The following HSD17B4 variants were observed in gnomAD, a reference collection of about 807,000 sequenced individuals.
HSD17B4 encodes peroxisomal multifunctional enzyme type 2.
Under a neutral mutation model 101.0 loss-of-function variants are expected in HSD17B4, and 70 were observed. The observed-to-expected ratio is 0.69, with a 90% confidence interval of 0.57 to 0.85. The LOEUF (loss-of-function observed/expected upper bound fraction) is 0.85. Ranked by LOEUF, HSD17B4 falls within the 40% of genes least tolerant of loss-of-function variation. The pLI, the probability that HSD17B4 is intolerant of heterozygous loss-of-function variation, is 0.00. For missense variants in HSD17B4, 984 were observed against 892.4 expected (o/e 1.10, Z -1.31); for synonymous variants, 347 against 297.1 (o/e 1.17, Z -1.73).
At chr5:119,530,947 TA>T (rs569539098) in intron 21 of HSD17B4, among the ~76,000 whole-genome samples, 101 of 148,724 alleles carry the variant, frequency 6.8e-4, no homozygotes, top group African/African-American at 2.4e-3. Flanking sequence ...ATTTTATAAA[TA>T]AAAAAAATGA....
intron 17 of HSD17B4, among the ~76,000 whole-genome samples, chr5:119,521,842 C>T (rs1753139042): frequency 6.7e-6 from 1 of 149,412 alleles, no homozygotes. Flanking sequence ...CAGTTTTCTT[C>T]TGTTTGGCAG....
At chr5:119,521,919 G>A (rs28667304) in intron 17 of HSD17B4, among the ~76,000 whole-genome samples, 2 of 142,094 alleles carry the variant, frequency 1.4e-5, no homozygotes, top group South Asian at 2.3e-4. Flanking sequence ...TTCAGTTTTG[G>A]TTTTTTTTTT....
At chr5:119,528,167 A>G (rs551103500) in intron 20 of HSD17B4, among the ~76,000 whole-genome samples, 1 of 152,240 alleles carries the variant, frequency 6.6e-6, no homozygotes, top group African/African-American at 2.4e-5. Flanking sequence ...GTTCCTAAGA[A>G]AATCTAATCT....
rs1380012929 is a variant in HSD17B4, at chr5:119,541,622, A to G, written c.2122-283A>G. Among the ~76,000 whole-genome samples, 3 of 152,344 alleles carry G rather than the reference A, an allele frequency of 2.0e-5. No individual in the cohort carries two copies. The East Asian group carries it at 5.8e-4, about 29-fold the overall frequency. On this transcript the variant is annotated intron_variant, in intron 23 of 23. Transcript: ENST00000510025. ...GTCTCAAATTGTAAGAACATAAAGT[A>G]AAGCCAGAAACGTAGGTTGAAACAG...
At position 119,499,343 on chromosome 5, in the gene HSD17B4, T is replaced by C. The variant is rs775677289; in HGVS notation, c.999T>C (p.Pro333=). 1 of 1,613,380 alleles carries C rather than the reference T, an allele frequency of 6.2e-7. No homozygotes were observed. The highest frequency in any genetic ancestry group is 1.7e-5 in the Admixed American group (1 of 60,024). Residue 333 remains proline (P), a synonymous_variant, in exon 13 of 24, where the codon CCT becomes CCC. Coordinates refer to ENST00000510025, the MANE Select transcript of HSD17B4 (RefSeq NM_000414.4). ...CTGGAGCTATTGGCCAGAAACTCCC[T>C]CCATTTTCTTATGCTTATACGGAAC... is the stretch of plus-strand genomic sequence containing the variant. ...GFAGAIGQKL[P]PFSYAYTELE...
At chr5:119,539,829 C>A (rs1183921030) in intron 23 of HSD17B4, among the ~76,000 whole-genome samples, 1 of 150,700 alleles carries the variant, frequency 6.6e-6, no homozygotes, top group East Asian at 1.9e-4. Context: ...ATGTCTCGTG[C>A]CTGTAGTTCC....
chr5:119,480,789 G>C (rs1471208372), intron 8 of HSD17B4, among the ~76,000 whole-genome samples: 1 of 152,198 alleles, frequency 6.6e-6, no homozygotes, highest in Non-Finnish European at 1.5e-5. Context: ...GTAAGAGACA[G>C]GTACGCCCCG....
At chr5:119,495,545 A>T (rs1200208476) in intron 11 of HSD17B4, among the ~76,000 whole-genome samples, 1 of 152,226 alleles carries the variant, frequency 6.6e-6, no homozygotes, top group Non-Finnish European at 1.5e-5. Context: ...TCAACTAAAT[A>T]GTCTTCCCTC....
intron 13 of HSD17B4, among the ~76,000 whole-genome samples, chr5:119,501,468 A>G (rs1580630214): frequency 6.6e-6 from 1 of 152,122 alleles, no homozygotes; most frequent in East Asian, 1.9e-4. Context: ...TTTGTTTGAT[A>G]CATTGAGGTT....
chr5:119,509,493 T>A, intron 16 of HSD17B4: 2 of 631,660 alleles, frequency 3.2e-6, no homozygotes. Context: ...ACTTACTGAA[T>A]AGTAAATATT....
chr5:119,520,903 T>A (rs918769569), intron 17 of HSD17B4, among the ~76,000 whole-genome samples: 18 of 152,334 alleles, frequency 1.2e-4, no homozygotes, highest in African/African-American at 4.3e-4. Context: ...TTTTACTTTT[T>A]CCCCTCTTAT....
At chr5:119,491,041 C>T (rs1750057396) in intron 9 of HSD17B4, among the ~76,000 whole-genome samples, 1 of 152,110 alleles carries the variant, frequency 6.6e-6, no homozygotes, top group South Asian at 2.1e-4. Flanking sequence ...CTGACTTAAA[C>T]CTTGAAAGTA....
At chr5:119,509,353 A>G in intron 16 of HSD17B4, 109 bp downstream of exon 16, 1 of 786,804 alleles carries the variant, frequency 1.3e-6, no homozygotes. Context: ...CTTATAGGCA[A>G]ATTTTCTTAT....
intron 23 of HSD17B4, among the ~76,000 whole-genome samples, chr5:119,539,949 C>T (rs1285946985): frequency 7.3e-6 from 1 of 136,820 alleles, no homozygotes; most frequent in Admixed American, 7.6e-5. Flanking sequence ...AAAAATTAGC[C>T]TGGTGTGGTG....
chr5:119,492,269 A>G, intron 10 of HSD17B4, 145 bp downstream of exon 10: 1 of 732,416 alleles, frequency 1.4e-6, no homozygotes, highest in Non-Finnish European at 2.5e-6. Flanking sequence ...TTGCTATAGC[A>G]ACAGGTATTT....
At chr5:119,525,894 C>G (rs750516001) in intron 18 of HSD17B4, 23 bp from the exon 19 acceptor site, 5 of 1,351,848 alleles carry the variant, frequency 3.7e-6, no homozygotes, top group Non-Finnish European at 5.3e-6. Context: ...CTGTATCTAA[C>G]TCAGTGTTCT....
chr5:119,499,171 A>C (rs1580623079), intron 12 of HSD17B4, 146 bp from the exon 13 acceptor site: 2 of 630,980 alleles, frequency 3.2e-6, no homozygotes, highest in East Asian at 5.5e-5. Flanking sequence ...TCTATTAAAA[A>C]ATAAAATATA....
intron 8 of HSD17B4, among the ~76,000 whole-genome samples, chr5:119,480,645 A>AAT (rs1161944917): frequency 6.6e-6 from 1 of 152,202 alleles, no homozygotes; most frequent in Non-Finnish European, 1.5e-5. Context: ...TGTCATTGAT[A>AAT]ATATCTTATC....
At chr5:119,514,485 G>A (rs1446602669) in intron 16 of HSD17B4, among the ~76,000 whole-genome samples, 1 of 152,172 alleles carries the variant, frequency 6.6e-6, no homozygotes, top group Admixed American at 6.5e-5. Flanking sequence ...AGATGTTGCA[G>A]ACTTTTCATC....
Sources: gnomAD v4.1 joint callset for allele counts (sites outside exome capture counted in the v4.1 genomes callset) on GRCh38, gnomAD v4.1.1 for gene constraint, MANE v1.5 for transcripts, NCBI Gene and HGNC (gene_info 2026-07-23, HGNC 2026-07-21) for gene names.